ARHGAP45: variants seen among roughly 807,000 people sequenced by gnomAD.
ARHGAP45 encodes Rho GTPase activating protein 45.
Under a neutral mutation model 116.1 loss-of-function variants are expected in ARHGAP45, and 56 were observed. The observed-to-expected ratio is 0.48, with a 90% CI of 0.39 to 0.60. The LOEUF (loss-of-function observed/expected upper bound fraction) is 0.60, where lower values mean the gene tolerates loss of function less well. Ranked by LOEUF, ARHGAP45 falls within the 20% of genes least tolerant of loss-of-function variation. The pLI is 0.00. For missense variants in ARHGAP45, 1,622 were observed against 1,601.0 expected, an observed-to-expected ratio of 1.01 and a Z score of -0.22; for synonymous variants, 866 against 701.7, an observed-to-expected ratio of 1.23 and a Z score of -3.70.
At chr19:1,077,374 CTTT>C (rs34571690) in intron 10 of ARHGAP45, 1,803 of 901,464 alleles carry the variant, frequency 2.0e-3, no homozygotes, top group Non-Finnish European at 2.1e-3. Context: ...TCCTCCCGTT[CTTT>C]TTTTTTTTTT....
At position 1,071,405 on chromosome 19, in the gene ARHGAP45, A is replaced by C; in HGVS notation, c.422-1744A>C. Reference sequence around the variant, plus strand: ...GCTGGGTCCCGCCGCGTCCGGGAGCACGTGGCGCTCGGGCCGTTTGCCGCC... The same window carrying C: ...GCTGGGTCCCGCCGCGTCCGGGAGCCCGTGGCGCTCGGGCCGTTTGCCGCC... On this transcript the variant is annotated intron_variant, in intron 2 of 22. Transcript: ENST00000313093. The surrounding 1 kb of genome is among the most constrained non-coding windows in gnomAD (Gnocchi z 4.6). The C allele has an allele frequency of 8.7e-7, 1 of 1,145,840 alleles. No homozygotes were observed. Among genetic ancestry groups the C allele is most frequent in the African/African-American group, 1.7e-5 (1 of 60,512 alleles). The allele number at this position is 1,145,840 out of a possible 1,614,324, so 71.0% of individuals were successfully genotyped here.
rs1308923091 is a variant in ARHGAP45 at position 1,068,040 on chromosome 19, AG to A, written c.91-370del. ...AGGCTCTGGGGTTCCATGGACCTTT[AG>A]GGGACAGACAGAGTCAGAAGTGTGT... On this transcript the variant is annotated intron_variant, in intron 1 of 22. Coordinates refer to ENST00000313093, the MANE Select transcript of ARHGAP45 (RefSeq NM_012292.5). This position sits in a 1 kb window ranked among gnomAD's most constrained non-coding sequence, Gnocchi z 7.5. 6.6e-6 allele frequency among the ~76,000 whole-genome samples: 1 copy of A among 151,380 alleles called. No homozygotes were observed. Among genetic ancestry groups the A allele is most frequent in the East Asian group, 2.0e-4 (1 of 5,116 alleles).
In ARHGAP45 at chr19:1,069,679, G is replaced by T. The variant is rs1035210788; in HGVS notation, c.421+935G>T. Among the ~76,000 whole-genome samples, 2 of 152,192 alleles carry T rather than the reference G, an allele frequency of 1.3e-5. No homozygotes were observed. The highest frequency in any genetic ancestry group is 2.4e-5 in the African/African-American group (1 of 41,452). ...CGGGTTATCTGGTCCCAGGGGCGGG[G>T]GCTAGGCTGCTTTCCTGGGGAAACC... On this transcript the variant is annotated intron_variant, in intron 2 of 22. Coordinates refer to ENST00000313093, the MANE Select transcript of ARHGAP45 (RefSeq NM_012292.5). This position sits in a 1 kb window ranked among gnomAD's most constrained non-coding sequence, Gnocchi z 4.1.
At chr19:1,075,233 ATTCT>A (rs1272465010) in intron 10 of ARHGAP45, among the ~76,000 whole-genome samples, 1 of 75,670 alleles carries the variant, frequency 1.3e-5, no homozygotes, top group Non-Finnish European at 2.6e-5. Flanking sequence ...TCCTGCATGT[ATTCT>A]TTTTTTTTTT....
rs113062348 is a variant in ARHGAP45 at position 1,074,031 on chromosome 19, C to T, written c.790+17C>T. On this transcript the variant is annotated intron_variant, in intron 6 of 22. Coordinates refer to ENST00000313093, the MANE Select transcript of ARHGAP45 (RefSeq NM_012292.5). ...GTGACGCCGGTAAGCCCCCACCCAG[C>T]GGCAGGCAGGCATTTGAGGGGTGGG... The T allele has an allele frequency of 3.7e-3, 5,851 of 1,596,976 alleles. 189 individuals are homozygous for T. The African/African-American group carries it at 0.067, about 18-fold the overall frequency.
Position 1,068,307 on chromosome 19 carries a change from G to T in ARHGAP45, c.91-107G>T. The T allele has an allele frequency of 4.9e-6, 5 of 1,014,568 alleles. No homozygotes were observed. The highest frequency in any genetic ancestry group is 7.0e-6 in the Non-Finnish European group (5 of 713,828). 62.8% of individuals were successfully genotyped at this position (1,014,568 alleles called of 1,614,324 possible). ...ACCTCTGGCCTTTGACCCCTGTGGG[G>T]TCAGGGTGATGGTGGCCCTCCACAG... On this transcript the variant is annotated intron_variant, in intron 1 of 22. Transcript: ENST00000313093. This position sits in a 1 kb window ranked among gnomAD's most constrained non-coding sequence, Gnocchi z 7.5.
chr19:1,067,541 G>C (rs769807140), intron 1 of ARHGAP45, 46 bp downstream of exon 1: 16 of 1,519,354 alleles, frequency 1.1e-5, no homozygotes, highest in African/African-American at 1.4e-5. Context: ...CGGGCCGCAG[G>C]GGGACAGGGA....
intron 21 of ARHGAP45, among the ~76,000 whole-genome samples, chr19:1,083,681 C>T (rs182437853): frequency 6.2e-4 from 95 of 152,278 alleles, no homozygotes; most frequent in Admixed American, 1.1e-3. Flanking sequence ...CACGCTGGCC[C>T]GGTGTCCACA....
rs1250390424 is a variant in ARHGAP45, at chr19:1,081,662, G to T, written c.2303G>T (p.Arg768Leu). The T allele has an allele frequency of 5.7e-6, 9 of 1,582,812 alleles. No individual in the cohort carries two copies. In the African/African-American group the frequency reaches 1.2e-4, roughly 21 times the overall value. The change falls in exon 18 of 23, where the codon CGC becomes CTC. Residue 768 changes from arginine to leucine, a missense_variant. Transcript: ENST00000313093. ...LFGQDFSHAA[R>L]SAPDGVPFIV... ...GGCCAGGACTTCAGCCACGCGGCCC[G>T]CAGCGCCCCCGACGGCGTGCCCTTC... is the stretch of plus-strand genomic sequence containing the variant.
chr19:1,076,431 TTTACCTGTGGCCTATTTTGCCAGG>T (rs1764204136), intron 10 of ARHGAP45, among the ~76,000 whole-genome samples: 1 of 151,968 alleles, frequency 6.6e-6, no homozygotes, highest in African/African-American at 2.4e-5. Flanking sequence ...ACTTTTGATT[TTTACCTGTGGCCTATTTTGCCAGG>T]TAGAAACCTG....
intron 2 of ARHGAP45, among the ~76,000 whole-genome samples, 173 bp from the exon 3 acceptor site, chr19:1,072,976 G>T (rs1057033745): frequency 6.6e-6 from 1 of 152,194 alleles, no homozygotes; most frequent in Non-Finnish European, 1.5e-5. Context: ...CGGTAGCCCA[G>T]GGAGGGACAG....
In ARHGAP45 at chr19:1,078,869, G is replaced by A. The variant is rs1037807809; in HGVS notation, c.1374+824G>A. Reference sequence around the variant, plus strand: ...GTAGCTGGGACCACAGGCGTGTGCCGCCACACCCAGCTAATTTAAAAAAAT... The same window carrying A: ...GTAGCTGGGACCACAGGCGTGTGCCACCACACCCAGCTAATTTAAAAAAAT... On this transcript the variant is annotated intron_variant, in intron 11 of 22. Transcript: ENST00000313093. Among the ~76,000 whole-genome samples, 108 of 150,018 alleles carry A rather than the reference G, an allele frequency of 7.2e-4. 1 individual carries two copies. The highest frequency in any genetic ancestry group is 3.4e-3 in the Middle Eastern group (1 of 294).
intron 9 of ARHGAP45, 34 bp from the exon 10 acceptor site, chr19:1,074,765 C>A: frequency 6.3e-7 from 1 of 1,598,418 alleles, no homozygotes; most frequent in Non-Finnish European, 8.5e-7. Flanking sequence ...GGGGGTGTCA[C>A]CGGGGTACCC....
At position 1,082,934 on chromosome 19, in the gene ARHGAP45, C is replaced by T; in HGVS notation, c.2612C>T (p.Ser871Phe). The T allele has an allele frequency of 6.3e-7, 1 of 1,586,038 alleles. No homozygotes were observed. Residue 871 changes from serine to phenylalanine, a missense_variant, in exon 20 of 23, where the codon TCC becomes TTC. Ser to Phe is a radical substitution (Grantham distance 155, BLOSUM62 -2). Coordinates refer to ENST00000313093, the MANE Select transcript of ARHGAP45 (RefSeq NM_012292.5). ...LKAEAEAKAASRGRQDGSESE... is the reference protein window; with the variant it reads ...LKAEAEAKAAFRGRQDGSESE... ...GCAGAGGCCGAGGCCAAGGCGGCGT[C>T]CCGGGGCCGGCAGGACGGCTCGGAG... is the stretch of plus-strand genomic sequence containing the variant.
intron 15 of ARHGAP45, 32 bp downstream of exon 15, chr19:1,080,579 GGAGCTGCCTCCTCTCCT>G: frequency 6.2e-7 from 1 of 1,609,944 alleles, no homozygotes; most frequent in Non-Finnish European, 8.5e-7. Context: ...GCTGGGGTGT[GGAGCTGCCTCCTCTCCT>G]GAGCCTCAGG....
intron 22 of ARHGAP45, among the ~76,000 whole-genome samples, chr19:1,085,314 CACCT>C (rs1361815703): frequency 6.6e-6 from 1 of 152,134 alleles, no homozygotes; most frequent in Non-Finnish European, 1.5e-5. Flanking sequence ...AGGAAAGACG[CACCT>C]CCAGGATTCA....
chr19:1,069,753 T>C lies in ARHGAP45; in HGVS notation c.421+1009T>C, dbSNP rs2043104068. 6.6e-6 allele frequency among the ~76,000 whole-genome samples: 1 copy of C among 151,128 alleles called. No homozygotes were observed. The highest frequency in any genetic ancestry group is 1.5e-5 in the Non-Finnish European group (1 of 67,868). On this transcript the variant is annotated intron_variant, in intron 2 of 22. Transcript: ENST00000313093. The surrounding 1 kb of genome is among the most constrained non-coding windows in gnomAD (Gnocchi z 4.1). ...CTGGCGCTTCCTTGGAGGCCTGGCC[T>C]GGGCGGGGCTCAGCTCCCAGGCTCC... is the stretch of plus-strand genomic sequence containing the variant.
rs759168052 is a variant in ARHGAP45, at chr19:1,085,889, A to G, written c.3294A>G (p.Ser1098=). Reference sequence around the variant, plus strand: ...AGGACGGCCCGGCCCAGCAGCTCTCAGGATTCAACACCAACCAGTCCAACA... The same window carrying G: ...AGGACGGCCCGGCCCAGCAGCTCTCGGGATTCAACACCAACCAGTCCAACA... ...GDEDGPAQQL[S]GFNTNQSNNV... is the part of the protein sequence containing the mutation. Residue 1098 remains serine (S), a synonymous_variant, in exon 23 of 23, where the codon TCA becomes TCG. Transcript: ENST00000313093. 8.1e-6 allele frequency: 13 copies of G among 1,612,874 alleles called. No individual in the cohort carries two copies. In the Admixed American group the frequency reaches 1.8e-4, roughly 23 times the overall value.
At position 1,080,913 on chromosome 19, in the gene ARHGAP45, C is replaced by G. The variant is rs759914421; in HGVS notation, c.2039C>G (p.Pro680Arg). Residue 680 changes from proline to arginine, a missense_variant, in exon 17 of 23, where the codon CCC (proline) becomes CGC (arginine). Around this residue, in one of 3 missense-constraint regions of ARHGAP45, gnomAD observed 1,334 missense variants for 1,263.8 expected, o/e 1.06. Coordinates refer to ENST00000313093, the MANE Select transcript of ARHGAP45 (RefSeq NM_012292.5). ...FEQADLNGMTPELPVAVPSGP... is the reference protein window; with the variant it reads ...FEQADLNGMTRELPVAVPSGP... ...GCAGCTGACCTCAACGGCATGACCC[C>G]CGAGCTGCCGGTGGCCGTGCCCAGT... The G allele has an allele frequency of 6.2e-7, 1 of 1,608,810 alleles. No individual in the cohort carries two copies. Among genetic ancestry groups the G allele is most frequent in the Non-Finnish European group, 8.5e-7 (1 of 1,177,950 alleles).
Sources: gnomAD v4.1 joint callset for allele counts (sites outside exome capture counted in the v4.1 genomes callset) on GRCh38, gnomAD v4.1.1 for gene constraint, gnomAD v4.1.1 regional missense constraint, Gnocchi (gnomAD v3.1) non-coding constraint, MANE v1.5 for transcripts, NCBI Gene and HGNC (gene_info 2026-07-23, HGNC 2026-07-21) for gene names.